The following TMEM135 variants were observed in gnomAD, a reference collection of about 807,000 sequenced individuals.
TMEM135 encodes the protein peroxisomal membrane protein 52.
TMEM135 carries 30 observed loss-of-function variants against 60.3 expected under a neutral mutation model. That is an observed-to-expected ratio of 0.50 (90% CI 0.37 to 0.68). TMEM135 has a LOEUF of 0.68. Among genes scored for constraint, TMEM135 ranks in the 30% least tolerant of loss-of-function variants. The pLI is 0.00. For missense variants in TMEM135, 468 were observed against 548.8 expected (o/e 0.85, Z 1.47); for synonymous variants, 190 against 186.7 (o/e 1.02, Z -0.14).
At chr11:87,121,859 C>T (rs1257285718) in intron 4 of TMEM135, among the ~76,000 whole-genome samples, 2 of 151,908 alleles carry the variant, frequency 1.3e-5, no homozygotes, top group African/African-American at 4.8e-5. Flanking sequence ...AGGGTGGTCT[C>T]GAACTCCTGA....
intron 5 of TMEM135, among the ~76,000 whole-genome samples, chr11:87,220,889 TAAAACC>T (rs1429215645): frequency 1.3e-5 from 2 of 152,154 alleles, no homozygotes; most frequent in African/African-American, 4.8e-5. Context: ...TTCGTTGGAA[TAAAACC>T]TAGAATAAAT....
At chr11:87,247,844 T>C in intron 6 of TMEM135, among the ~76,000 whole-genome samples, 1 of 151,980 alleles carries the variant, frequency 6.6e-6, no homozygotes. Flanking sequence ...TCGGCTTGCG[T>C]ATGTTGCCCT....
chr11:87,272,051 C>CTTTTT (rs773654603), intron 6 of TMEM135, among the ~76,000 whole-genome samples: 15 of 81,134 alleles, frequency 1.8e-4, no homozygotes, highest in Admixed American at 5.4e-4. Context: ...TTTTTCTTTT[C>CTTTTT]TTTTTTTTTT....
intron 4 of TMEM135, among the ~76,000 whole-genome samples, chr11:87,122,549 T>G (rs1221254710): frequency 6.6e-6 from 1 of 151,558 alleles, no homozygotes; most frequent in East Asian, 1.9e-4. Context: ...CAACCACCAC[T>G]TTCCAGGTTC....
At chr11:87,198,030 T>A (rs1478045061) in intron 5 of TMEM135, among the ~76,000 whole-genome samples, 2 of 152,160 alleles carry the variant, frequency 1.3e-5, no homozygotes, top group East Asian at 3.9e-4. Flanking sequence ...CAAGTCAGAA[T>A]ATTTGGGGTA....
chr11:87,165,912 C>G (rs953360933), intron 5 of TMEM135, among the ~76,000 whole-genome samples: 2 of 150,590 alleles, frequency 1.3e-5, no homozygotes, highest in African/African-American at 2.5e-5. Context: ...GGGGATATCA[C>G]CACCGATCCC....
chr11:87,265,524 G>C (rs1386694522), intron 6 of TMEM135, among the ~76,000 whole-genome samples: 1 of 151,634 alleles, frequency 6.6e-6, no homozygotes, highest in Non-Finnish European at 1.5e-5. Context: ...TCTTTTGTTT[G>C]ACTACTATGT....
Position 87,309,641 on chromosome 11 carries a change from C to T in TMEM135, c.905C>T (p.Ala302Val), listed in dbSNP as rs773435074. ...AATAAAGAAAACTTCCAGCTTGGAGCTTTTCTTGGCTCTTTTGTTAGTATA... is the reference window on the plus strand; with the variant it reads ...AATAAAGAAAACTTCCAGCTTGGAGTTTTTCTTGGCTCTTTTGTTAGTATA... ...FYNKENFQLG[A>V]FLGSFVSIYK... Residue 302 changes from alanine (A) to valine (V), a missense_variant, in exon 10 of 15, where the codon GCT becomes GTT. Transcript: ENST00000305494. 7 of 1,613,470 alleles carry T rather than the reference C, an allele frequency of 4.3e-6. No homozygotes were observed. In the African/African-American group the frequency reaches 9.3e-5, roughly 22 times the overall value.
intron 3 of TMEM135, among the ~76,000 whole-genome samples, chr11:87,089,762 T>C (rs1201469804): frequency 6.6e-6 from 1 of 152,146 alleles, no homozygotes; most frequent in African/African-American, 2.4e-5. Context: ...GTATAACTTA[T>C]TTAGAATAAG....
At chr11:87,195,807 T>C (rs1939942612) in intron 5 of TMEM135, among the ~76,000 whole-genome samples, 1 of 152,196 alleles carries the variant, frequency 6.6e-6, no homozygotes. Context: ...TCAATGTTGA[T>C]GTTCGATGTT....
rs570053660 is a variant in TMEM135 at position 87,062,247 on chromosome 11, G to A, written c.142-5447G>A. Among the ~76,000 whole-genome samples the A allele has an allele frequency of 1.8e-3, 274 of 151,672 alleles. 3 individuals are homozygous for A. The highest frequency in any genetic ancestry group is 6.2e-3 in the African/African-American group (256 of 41,354). On this transcript the variant is annotated intron_variant, in intron 1 of 14. Transcript: ENST00000305494. Reference sequence around the variant, plus strand: ...TCTCGAACTCCTGATCTCGTGATCCGCCCACCTCGGCCTCCCATAGTGCTG... The same window carrying A: ...TCTCGAACTCCTGATCTCGTGATCCACCCACCTCGGCCTCCCATAGTGCTG...
At chr11:87,311,692 G>A (rs77983468) in intron 10 of TMEM135, among the ~76,000 whole-genome samples, 1 of 151,918 alleles carries the variant, frequency 6.6e-6, no homozygotes, top group Non-Finnish European at 1.5e-5. Context: ...AAATATTCAC[G>A]TGGTGTGTTC....
chr11:87,266,260 G>A (rs990498225), intron 6 of TMEM135, among the ~76,000 whole-genome samples: 1 of 152,204 alleles, frequency 6.6e-6, no homozygotes, highest in East Asian at 1.9e-4. Flanking sequence ...CCCTTGGCTG[G>A]TAAAATTCCT....
chr11:87,285,432 G>C (rs1565156476), intron 6 of TMEM135, among the ~76,000 whole-genome samples: 1 of 152,140 alleles, frequency 6.6e-6, no homozygotes, highest in Non-Finnish European at 1.5e-5. Flanking sequence ...GTTCGGATGT[G>C]TTCAGAGTTT....
At chr11:87,144,928 T>A (rs992280709) in intron 4 of TMEM135, among the ~76,000 whole-genome samples, 7 of 152,190 alleles carry the variant, frequency 4.6e-5, no homozygotes, top group African/African-American at 1.7e-4. Flanking sequence ...AACATATCTA[T>A]TACCTCAATT....
intron 5 of TMEM135, among the ~76,000 whole-genome samples, chr11:87,174,967 A>G (rs1045335174): frequency 1.3e-5 from 2 of 152,158 alleles, no homozygotes; most frequent in Non-Finnish European, 2.9e-5. Flanking sequence ...GAGATAACTG[A>G]AGCCACTGGT....
At chr11:87,093,195 A>G (rs1857249039) in intron 4 of TMEM135, among the ~76,000 whole-genome samples, 2 of 151,976 alleles carry the variant, frequency 1.3e-5, no homozygotes, top group African/African-American at 2.4e-5. Flanking sequence ...AAGTTAACTC[A>G]TCTATTTACC....
Position 87,293,378 on chromosome 11 carries a change from G to GT in TMEM135, c.510-2395dup, listed in dbSNP as rs889182936. On this transcript the variant is annotated intron_variant, in intron 6 of 14. Transcript: ENST00000305494. ...CTTAATTGAAATTGAGTTTTTAAGTGTTTTTTTTTCTTCTTAAAAAAACAA... is the reference window on the plus strand; with the variant it reads ...CTTAATTGAAATTGAGTTTTTAAGTGTTTTTTTTTTCTTCTTAAAAAAACAA... Among the ~76,000 whole-genome samples the GT allele has an allele frequency of 5.1e-5, 7 of 136,052 alleles. No individual in the cohort carries two copies. In the East Asian group the frequency reaches 1.0e-3, roughly 20 times the overall value. 89.3% of individuals were successfully genotyped at this position (136,052 alleles called of 152,430 possible). A position where few individuals can be genotyped will look rare whatever the true frequency, so the allele number is the denominator to read the frequency against.
At chr11:87,080,931 A>C (rs2512363) in intron 3 of TMEM135, among the ~76,000 whole-genome samples, 82,922 of 151,856 alleles carry the variant, frequency 0.55, 23,397 homozygotes, top group East Asian at 0.71. Flanking sequence ...AATGATCCAC[A>C]CGCCTTGGCC....
Sources: allele counts gnomAD v4.1 joint callset (sites outside exome capture counted in the v4.1 genomes callset), GRCh38; gene constraint gnomAD v4.1.1; transcripts MANE v1.5; gene names NCBI Gene and HGNC (gene_info 2026-07-23, HGNC 2026-07-21).